The following OR7A10 variants were observed in gnomAD, a reference collection of about 807,000 sequenced individuals.
OR7A10 encodes the protein olfactory receptor family 7 subfamily A member 10.
For missense variants in OR7A10, 358 were observed against 370.1 expected, an observed-to-expected ratio of 0.97 and a Z score of 0.27; for synonymous variants, 144 against 144.5, an observed-to-expected ratio of 1.00 and a Z score of 0.02.
rs200527978 is a variant in OR7A10 at position 14,845,070 on chromosome 19, A to AACACAC, written c.-12-3187_-12-3182dup. On this transcript the variant is annotated intron_variant, in intron 1 of 1. Coordinates refer to ENST00000641129, the MANE Select transcript of OR7A10 (RefSeq NM_001005190.2). The stretch of plus-strand genomic sequence containing the variant: ...AGAGGTGCACACACACACACACACA[A>AACACAC]ACACACACACACACACACACACACA... Among the ~76,000 whole-genome samples the AACACAC allele has an allele frequency of 9.7e-3, 1,369 of 141,676 alleles. 13 individuals carry two copies. Among genetic ancestry groups the AACACAC allele is most frequent in the East Asian group, 0.02 (100 of 4,906 alleles). The allele number at this position is 141,676 out of a possible 152,430, so 92.9% of individuals were successfully genotyped here.
intron 1 of OR7A10, among the ~76,000 whole-genome samples, chr19:14,843,755 C>T (rs1383228386): frequency 6.6e-6 from 1 of 152,146 alleles, no homozygotes. Flanking sequence ...GCTGTCTAGA[C>T]AGTGAGTAAG....
chr19:14,842,132 A>T (rs1007169390), intron 1 of OR7A10, among the ~76,000 whole-genome samples: 1 of 152,246 alleles, frequency 6.6e-6, no homozygotes, highest in African/African-American at 2.4e-5. Context: ...AACAGGTAAC[A>T]TGTCATGGGG....
rs2044912035 is a variant in OR7A10, at chr19:14,841,445, C to A, written c.433G>T (p.Val145Phe). 6 of 1,614,018 alleles carry A rather than the reference C, an allele frequency of 3.7e-6. No individual in the cohort carries two copies. The highest frequency in any genetic ancestry group is 1.1e-5 in the South Asian group (1 of 91,076). The change falls in exon 2 of 2, where the codon GTT becomes TTT. Residue 145 changes from valine to phenylalanine, a missense_variant. Val to Phe is a conservative substitution (Grantham distance 50). Coordinates refer to ENST00000641129, the MANE Select transcript of OR7A10 (RefSeq NM_001005190.2). ...ACACTCATGATCCAGGATGCCAGAA[C>A]CAGCAGTCCACAGAGTTGAGGGTTC... Reference protein sequence around the residue: ...IMNPQLCGLLVLASWIMSVLN... With the variant: ...IMNPQLCGLLFLASWIMSVLN...
chr19:14,843,131 A>G (rs1411212430), intron 1 of OR7A10, among the ~76,000 whole-genome samples: 1 of 152,226 alleles, frequency 6.6e-6, no homozygotes, highest in Non-Finnish European at 1.5e-5. Flanking sequence ...CCACAGTGAG[A>G]TACCATCTTA....
chr19:14,842,716 G>A (rs1008969788), intron 1 of OR7A10, among the ~76,000 whole-genome samples: 7 of 152,206 alleles, frequency 4.6e-5, no homozygotes, highest in Admixed American at 2.6e-4. Context: ...TTATGGCTTC[G>A]TAATATTCCA....
intron 1 of OR7A10, among the ~76,000 whole-genome samples, chr19:14,845,561 T>C (rs2044938620): frequency 6.6e-6 from 1 of 152,082 alleles, no homozygotes; most frequent in Admixed American, 6.6e-5. Flanking sequence ...GAAATCTCTG[T>C]CACACGCATC....
At chr19:14,845,051 G>GCACACA (rs748918922) in intron 1 of OR7A10, among the ~76,000 whole-genome samples, 1 of 137,314 alleles carries the variant, frequency 7.3e-6, no homozygotes, top group African/African-American at 2.6e-5. Flanking sequence ...CCCTAGAGGT[G>GCACACA]CACACACACA....
At chr19:14,846,359 A>G (rs1303029538) in intron 1 of OR7A10, among the ~76,000 whole-genome samples, 3 of 152,222 alleles carry the variant, frequency 2.0e-5, no homozygotes, top group Non-Finnish European at 4.4e-5. Flanking sequence ...TTATACAACA[A>G]GGAATGACAG....
chr19:14,844,080 T>A (rs949889449), intron 1 of OR7A10, among the ~76,000 whole-genome samples: 8 of 152,036 alleles, frequency 5.3e-5, no homozygotes, highest in Non-Finnish European at 1.0e-4. Context: ...AAGAATAATT[T>A]AAAAAACCCC....
intron 1 of OR7A10, among the ~76,000 whole-genome samples, chr19:14,848,085 T>C (rs1960373460): frequency 6.6e-6 from 1 of 151,176 alleles, no homozygotes. Context: ...ATTGTGCCAC[T>C]GCACTCCAGC....
At chr19:14,848,121 TA>T (rs34015234) in intron 1 of OR7A10, among the ~76,000 whole-genome samples, 15,552 of 145,314 alleles carry the variant, frequency 0.11, 922 homozygotes, top group African/African-American at 0.16. Flanking sequence ...AGACTCTGTC[TA>T]AAAAAAAAAA....
At chr19:14,845,460 G>A (rs1241794734) in intron 1 of OR7A10, among the ~76,000 whole-genome samples, 1 of 151,610 alleles carries the variant, frequency 6.6e-6, no homozygotes, top group Non-Finnish European at 1.5e-5. Context: ...GGGCAACAGA[G>A]CAAGACTCCA....
chr19:14,842,790 A>G (rs1173724175), intron 1 of OR7A10, among the ~76,000 whole-genome samples: 1 of 152,080 alleles, frequency 6.6e-6, no homozygotes, highest in Non-Finnish European at 1.5e-5. Flanking sequence ...GGTTGATTCT[A>G]TGTCTTTGTA....
In OR7A10 at chr19:14,843,735, T is replaced by A. The variant is rs140976202; in HGVS notation, c.-12-1846A>T. Among the ~76,000 whole-genome samples, 39 of 152,308 alleles carry A rather than the reference T, an allele frequency of 2.6e-4. No homozygotes were observed. The East Asian group carries it at 6.6e-3, about 26-fold the overall frequency. ...GGGGAATATCAAGTGAATTTCGACATGTTCCAGATGCTGTCTAGACAGTGA... is the reference window on the plus strand; with the variant it reads ...GGGGAATATCAAGTGAATTTCGACAAGTTCCAGATGCTGTCTAGACAGTGA... On this transcript the variant is annotated intron_variant, in intron 1 of 1. Coordinates refer to ENST00000641129, the MANE Select transcript of OR7A10 (RefSeq NM_001005190.2).
At position 14,840,512 on chromosome 19, in the gene OR7A10, A is replaced by T. The variant is rs921866891; in HGVS notation, c.*436T>A. ...CACTTTGATGCTTATGACATTTTTA[A>T]GGAAGAGATGTTAGGACAATGGAAG... On this transcript the variant is annotated 3_prime_UTR_variant, in exon 2 of 2. Coordinates refer to ENST00000641129, the MANE Select transcript of OR7A10 (RefSeq NM_001005190.2). The T allele has an allele frequency of 6.4e-6, 1 of 156,332 alleles. No individual in the cohort carries two copies. The highest frequency in any genetic ancestry group is 1.4e-5 in the Non-Finnish European group (1 of 70,752). The allele number at this position is 156,332 out of a possible 1,614,324, so 9.7% of individuals were successfully genotyped here. A position where few individuals can be genotyped will look rare whatever the true frequency, so the allele number is the denominator to read the frequency against.
chr19:14,841,944 T>C, intron 1 of OR7A10, 55 bp from the exon 2 acceptor site: 2 of 1,046,450 alleles, frequency 1.9e-6, no homozygotes, highest in Non-Finnish European at 2.8e-6. Context: ...GAAACAAACA[T>C]GCATTCCAAA....
rs1399963206 is a variant in OR7A10, at chr19:14,848,481, CG to C, written c.-13+18del. 1 of 152,234 alleles carries C rather than the reference CG, an allele frequency of 6.6e-6. No homozygotes were observed. The highest frequency in any genetic ancestry group is 1.5e-5 in the Non-Finnish European group (1 of 68,074). The allele number at this position is 152,234 out of a possible 1,614,324, so 9.4% of individuals were successfully genotyped here. A position where few individuals can be genotyped will look rare whatever the true frequency, so the allele number is the denominator to read the frequency against. On this transcript the variant is annotated intron_variant, in intron 1 of 1. Transcript: ENST00000641129. The stretch of plus-strand genomic sequence containing the variant: ...TTGCAATCTCCCTGATCCTTTCCTA[CG>C]GTACCTATTGGACTCACCCTGTTGG...
chr19:14,847,910 G>C (rs1366153279), intron 1 of OR7A10, among the ~76,000 whole-genome samples: 2 of 151,764 alleles, frequency 1.3e-5, no homozygotes, highest in Non-Finnish European at 2.9e-5. Flanking sequence ...GGATCACGAG[G>C]TTAAGAGATT....
rs370926619 is a variant in OR7A10 at position 14,841,886 on chromosome 19, G to A, written c.-9C>T. On this transcript the variant is annotated 5_prime_UTR_variant, in exon 2 of 2. Transcript: ENST00000641129. ...TTGTTCCATGATTTCATCTTGTGAT[G>A]TGACTACCAGAGAGAGAGAGAGAGA... 3.0e-5 allele frequency: 46 copies of A among 1,555,326 alleles called. No homozygotes were observed. In the African/African-American group the frequency reaches 5.7e-4, roughly 19 times the overall value.
Sources: gnomAD v4.1 joint callset for allele counts (sites outside exome capture counted in the v4.1 genomes callset) on GRCh38, gnomAD v4.1.1 for gene constraint, MANE v1.5 for transcripts, NCBI Gene and HGNC (gene_info 2026-07-23, HGNC 2026-07-21) for gene names.